The following EYS variants were observed in gnomAD, a reference collection of about 807,000 sequenced individuals.
The protein encoded by EYS is EGF-like photoreceptor maintenance factor, also known as protein eyes shut homolog.
In EYS, 250 loss-of-function variants were observed where a neutral mutation model predicts 282.1. That is an observed-to-expected ratio of 0.89 (90% CI 0.80 to 0.98). The LOEUF (loss-of-function observed/expected upper bound fraction) is 0.98, where lower values mean the gene tolerates loss of function less well. EYS is among the 50% of genes least tolerant of loss of function. EYS has a pLI of 0.00. For synonymous variants in EYS, 1,355 were observed against 1,282.9 expected (o/e 1.06, Z -1.20); for missense variants, 4,016 against 3,709.0 (o/e 1.08, Z -2.15).
chr6:64,766,457 C>T (rs532270003), intron 22 of EYS, among the ~76,000 whole-genome samples: 5 of 147,506 alleles, frequency 3.4e-5, no homozygotes. Context: ...TATGGTGAAA[C>T]TCTGTCTGTA....
At chr6:63,927,556 G>A (rs540654323) in intron 35 of EYS, among the ~76,000 whole-genome samples, 23 of 152,178 alleles carry the variant, frequency 1.5e-4, no homozygotes, top group Non-Finnish European at 3.1e-4. Flanking sequence ...GCTGAGTGTG[G>A]TTAAGGTGAG....
chr6:64,928,510 T>C (rs1465067129), intron 15 of EYS, among the ~76,000 whole-genome samples: 1 of 152,138 alleles, frequency 6.6e-6, no homozygotes, highest in Non-Finnish European at 1.5e-5. Context: ...CTAATGGCTT[T>C]CAATTCATTT....
Position 64,507,949 on chromosome 6 carries a change from G to A in EYS, c.5645-68597C>T, listed in dbSNP as rs181792755. ...GTGACAAAGCAATACCAAGGGCTTT[G>A]ACACTTGAGACGGTTCCTGAGTGGA... On this transcript the variant is annotated intron_variant, in intron 26 of 42. Coordinates refer to ENST00000503581, the MANE Select transcript of EYS (RefSeq NM_001142800.2). 6.9e-3 allele frequency among the ~76,000 whole-genome samples: 1,045 copies of A among 152,284 alleles called. 8 individuals are homozygous for A. The highest frequency in any genetic ancestry group is 7.6e-3 in the Non-Finnish European group (514 of 68,012).
intron 30 of EYS, among the ~76,000 whole-genome samples, chr6:64,295,426 A>G (rs1200337777): frequency 0.25 from 27 of 110 alleles, 4 homozygotes; most frequent in African/African-American, 0.46. Flanking sequence ...AAGAAGAAGA[A>G]GAAGAAGAGG....
chr6:64,653,368 A>G (rs1008996776), intron 22 of EYS, among the ~76,000 whole-genome samples: 5 of 152,144 alleles, frequency 3.3e-5, no homozygotes, highest in Admixed American at 3.3e-4. Flanking sequence ...CCAGGAAAGT[A>G]ATATAGATAC....
chr6:65,238,716 C>A (rs1332798095), intron 12 of EYS, among the ~76,000 whole-genome samples: 1 of 151,922 alleles, frequency 6.6e-6, no homozygotes, highest in African/African-American at 2.4e-5. Context: ...AAATTCAGAG[C>A]AAAACCTTTC....
At chr6:65,148,007 G>C (rs541969413) in intron 12 of EYS, among the ~76,000 whole-genome samples, 2 of 151,972 alleles carry the variant, frequency 1.3e-5, no homozygotes, top group African/African-American at 4.8e-5. Context: ...TTCCCACCAG[G>C]TTCCTCCCAT....
At chr6:64,148,590 A>T (rs541318192) in intron 31 of EYS, among the ~76,000 whole-genome samples, 51 of 152,034 alleles carry the variant, frequency 3.4e-4, no homozygotes, top group African/African-American at 1.2e-3. Context: ...TGAGTGTTTG[A>T]GCTGACCAAC....
At chr6:64,110,140 C>A (rs186051653) in intron 31 of EYS, among the ~76,000 whole-genome samples, 1 of 151,732 alleles carries the variant, frequency 6.6e-6, no homozygotes, top group Non-Finnish European at 1.5e-5. Context: ...TGGTGATTAA[C>A]GATATTTTGT....
At chr6:65,063,509 A>G (rs922613970) in intron 12 of EYS, among the ~76,000 whole-genome samples, 8 of 152,056 alleles carry the variant, frequency 5.3e-5, no homozygotes, top group Non-Finnish European at 7.4e-5. Context: ...AATGTCCCAT[A>G]ATTTCAAATC....
chr6:64,585,214 G>A (rs1044811215), intron 26 of EYS, among the ~76,000 whole-genome samples: 21 of 152,050 alleles, frequency 1.4e-4, no homozygotes, highest in Admixed American at 8.5e-4. Context: ...AATTACCACA[G>A]GAATAGGAAA....
chr6:65,341,814 T>C (rs796663271), intron 10 of EYS, among the ~76,000 whole-genome samples: 11 of 151,452 alleles, frequency 7.3e-5, no homozygotes, highest in Admixed American at 2.0e-4. Context: ...CTTCATTTAT[T>C]CATTTTTCAC....
intron 40 of EYS, among the ~76,000 whole-genome samples, chr6:63,769,872 G>T (rs1031429938): frequency 7.2e-5 from 11 of 151,866 alleles, no homozygotes; most frequent in Non-Finnish European, 1.5e-4. Flanking sequence ...TATGAACATG[G>T]ATATAAAAAA....
At chr6:65,700,555 C>G (rs891123673) in intron 1 of EYS, among the ~76,000 whole-genome samples, 1 of 152,036 alleles carries the variant, frequency 6.6e-6, no homozygotes, top group Admixed American at 6.6e-5. Flanking sequence ...CTTTATCCTA[C>G]TTCTTTAATA....
intron 22 of EYS, among the ~76,000 whole-genome samples, chr6:64,676,208 A>G (rs1252975014): frequency 6.7e-6 from 1 of 148,658 alleles, no homozygotes; most frequent in Non-Finnish European, 1.5e-5. Context: ...AAGAGACCAT[A>G]GTGCAGGTAA....
intron 12 of EYS, among the ~76,000 whole-genome samples, chr6:65,150,651 T>C (rs1764590708): frequency 6.6e-6 from 1 of 151,934 alleles, no homozygotes; most frequent in Non-Finnish European, 1.5e-5. Flanking sequence ...CTGCCATATA[T>C]TGATTTGTAG....
intron 2 of EYS, among the ~76,000 whole-genome samples, chr6:65,628,333 C>G (rs1036282816): frequency 2.6e-5 from 4 of 152,250 alleles, no homozygotes; most frequent in Middle Eastern, 3.4e-3. Flanking sequence ...GTATCTAGCT[C>G]AGGGATTGTA....
intron 1 of EYS, among the ~76,000 whole-genome samples, chr6:65,703,452 C>G (rs1381569088): frequency 6.6e-6 from 1 of 151,910 alleles, no homozygotes; most frequent in African/African-American, 2.4e-5. Flanking sequence ...ATTGAATAAA[C>G]CACTTTAATG....
chr6:63,838,277 G>C (rs1354035438), intron 36 of EYS, among the ~76,000 whole-genome samples: 4 of 151,558 alleles, frequency 2.6e-5, no homozygotes, highest in Non-Finnish European at 5.9e-5. Flanking sequence ...TGTGTTAAAA[G>C]CTGGAAGTGA....
Sources: gnomAD v4.1 joint callset for allele counts (sites outside exome capture counted in the v4.1 genomes callset) on GRCh38, gnomAD v4.1.1 for gene constraint, MANE v1.5 for transcripts, NCBI Gene and HGNC (gene_info 2026-07-23, HGNC 2026-07-21) for gene names.